Variants in MTSS1 observed in about 807,000 individuals in gnomAD.
The protein encoded by MTSS1 is MTSS I-BAR domain containing 1, also known as protein MTSS 1.
In MTSS1, 18 loss-of-function variants were observed where a neutral mutation model predicts 79.0. The ratio of observed to expected loss-of-function variants is 0.23; its 90% CI spans 0.16 to 0.34. The LOEUF (loss-of-function observed/expected upper bound fraction) is 0.34. Among genes scored for constraint, MTSS1 ranks in the 10% least tolerant of loss-of-function variants. The probability of loss-of-function intolerance (pLI) is 1.00; values close to 1 mark genes in which losing one functional copy is unlikely to be tolerated. For missense variants in MTSS1, 815 were observed against 986.2 expected (o/e 0.83, Z 2.33); for synonymous variants, 341 against 368.6 (o/e 0.93, Z 0.86).
At chr8:124,560,670 A>G (rs1825086901) in intron 10 of MTSS1, among the ~76,000 whole-genome samples, 1 of 152,162 alleles carries the variant, frequency 6.6e-6, no homozygotes, top group South Asian at 2.1e-4. Context: ...GAACAAAAAT[A>G]AAACAACAAA....
At chr8:124,693,692 A>G (rs9643201) in intron 3 of MTSS1, among the ~76,000 whole-genome samples, 54,677 of 152,016 alleles carry the variant, frequency 0.36, 10,585 homozygotes, top group Non-Finnish European at 0.41. Flanking sequence ...CTGAGAGGGG[A>G]CCTCAACCCA....
intron 3 of MTSS1, among the ~76,000 whole-genome samples, chr8:124,598,238 T>TTG (rs775882802): frequency 3.3e-5 from 5 of 152,068 alleles, no homozygotes; most frequent in African/African-American, 4.8e-5. Flanking sequence ...AAGGCTACAG[T>TTG]GAGCTATGAT....
intron 4 of MTSS1, among the ~76,000 whole-genome samples, chr8:124,590,730 G>A (rs936382327): frequency 1.3e-5 from 2 of 152,234 alleles, no homozygotes; most frequent in Non-Finnish European, 2.9e-5. Flanking sequence ...AGCTGGCGGT[G>A]TGGAGTGGTC....
chr8:124,572,313 G>C (rs59807139), intron 6 of MTSS1, among the ~76,000 whole-genome samples: 3,533 of 152,156 alleles, frequency 0.023, 123 homozygotes, highest in African/African-American at 0.079. Flanking sequence ...TAGATGATAA[G>C]CTAAAACTAC....
intron 6 of MTSS1, among the ~76,000 whole-genome samples, chr8:124,569,990 A>T (rs768997990): frequency 6.6e-6 from 1 of 152,174 alleles, no homozygotes; most frequent in Non-Finnish European, 1.5e-5. Context: ...AATGCAATGA[A>T]CCATTTGGTC....
At chr8:124,626,255 A>G (rs73343908) in intron 3 of MTSS1, among the ~76,000 whole-genome samples, 4,704 of 152,312 alleles carry the variant, frequency 0.031, 228 homozygotes, top group African/African-American at 0.1. Flanking sequence ...GTGTTTCGTC[A>G]GTTCTTTTCT....
chr8:124,699,161 T>TC, intron 3 of MTSS1: 1 of 229,244 alleles, frequency 4.4e-6, no homozygotes. Flanking sequence ...CCCTACTGCT[T>TC]CCCATTCCAC....
At chr8:124,576,922 C>T (rs1468503107) in intron 6 of MTSS1, among the ~76,000 whole-genome samples, 1 of 152,204 alleles carries the variant, frequency 6.6e-6, no homozygotes, top group Non-Finnish European at 1.5e-5. Context: ...CAGCTCCCGG[C>T]GTGCCTCCAT....
At position 124,582,676 on chromosome 8, in the gene MTSS1, A is replaced by T. The variant is rs574077687; in HGVS notation, c.460+2411T>A. Among the ~76,000 whole-genome samples, 330 of 152,332 alleles carry T rather than the reference A, an allele frequency of 2.2e-3. 2 individuals carry two copies. Among genetic ancestry groups the T allele is most frequent in the African/African-American group, 7.5e-3 (311 of 41,576 alleles). On this transcript the variant is annotated intron_variant, in intron 6 of 13. Transcript: ENST00000518547. This position sits in a 1 kb window ranked among gnomAD's most constrained non-coding sequence, Gnocchi z 4.8. ...TCCATCCGAACGCGTGGTGCGTCAG[A>T]AGGAACTGCTAACACTTTTACAAAC... is the stretch of plus-strand genomic sequence containing the variant.
intron 6 of MTSS1, among the ~76,000 whole-genome samples, chr8:124,571,682 G>A (rs1453114315): frequency 6.6e-6 from 1 of 152,148 alleles, no homozygotes. Context: ...AACAGCCTAT[G>A]AGGCCGGGAA....
rs144922232 is a variant in MTSS1, at chr8:124,592,479, T to C, written c.209-1244A>G. 3.3e-3 allele frequency among the ~76,000 whole-genome samples: 510 copies of C among 152,280 alleles called. 1 individual carries two copies. Among genetic ancestry groups the C allele is most frequent in the Middle Eastern group, 0.014 (4 of 294 alleles). On this transcript the variant is annotated intron_variant, in intron 3 of 13. Transcript: ENST00000518547. ...CTGTGGCAGGTTTAACCATGTTGAA[T>C]TGGTAGAAGAACATTCCCTCTCTTA...
chr8:124,649,563 A>G (rs1819589213), intron 3 of MTSS1, among the ~76,000 whole-genome samples: 1 of 152,160 alleles, frequency 6.6e-6, no homozygotes, highest in South Asian at 2.1e-4. Context: ...CAGAGTACAC[A>G]AAAAGCTCCC....
chr8:124,654,650 C>G (rs1057375580), intron 3 of MTSS1, among the ~76,000 whole-genome samples: 1 of 152,210 alleles, frequency 6.6e-6, no homozygotes, highest in East Asian at 1.9e-4. Context: ...AGCGTAATTG[C>G]TACTAGAAGG....
intron 1 of MTSS1, among the ~76,000 whole-genome samples, chr8:124,704,464 T>C (rs1332693648): frequency 1.3e-5 from 2 of 152,196 alleles, no homozygotes; most frequent in Non-Finnish European, 2.9e-5. Flanking sequence ...TGGTAGATGG[T>C]GGGTCCAAAT....
chr8:124,629,520 A>AG (rs1815456243), intron 3 of MTSS1, among the ~76,000 whole-genome samples: 1 of 151,232 alleles, frequency 6.6e-6, no homozygotes, highest in African/African-American at 2.4e-5. Flanking sequence ...AAAAAAAAAA[A>AG]AAAAAAGAAA....
rs1231466819 is a variant in MTSS1 at position 124,589,352 on chromosome 8, C to T, written c.385+268G>A. Among the ~76,000 whole-genome samples, 9 of 152,306 alleles carry T rather than the reference C, an allele frequency of 5.9e-5. No homozygotes were observed. In the South Asian group the frequency reaches 1.7e-3, roughly 28 times the overall value. ...ACCCTGTGATTTATTCTTAATTCAG[C>T]TGAATACAATTCATGCCACTGAGGG... On this transcript the variant is annotated intron_variant, in intron 5 of 13. Coordinates refer to ENST00000518547, the MANE Select transcript of MTSS1 (RefSeq NM_014751.6).
intron 3 of MTSS1, among the ~76,000 whole-genome samples, chr8:124,697,058 G>A (rs1828956988): frequency 1.3e-5 from 2 of 152,062 alleles, no homozygotes; most frequent in South Asian, 4.1e-4. Flanking sequence ...GTCCCGCCAA[G>A]AACCATTCTG....
intron 3 of MTSS1, among the ~76,000 whole-genome samples, chr8:124,633,275 T>G (rs1816361552): frequency 6.6e-6 from 1 of 152,180 alleles, no homozygotes; most frequent in South Asian, 2.1e-4. Context: ...TTATGTTTGG[T>G]CAAAACCTCT....
At chr8:124,640,033 G>A (rs1435326037) in intron 3 of MTSS1, among the ~76,000 whole-genome samples, 1 of 152,180 alleles carries the variant, frequency 6.6e-6, no homozygotes, top group Non-Finnish European at 1.5e-5. Flanking sequence ...CAGACTATAG[G>A]TATTTATTCC....
Sources: gnomAD v4.1 joint callset for allele counts (sites outside exome capture counted in the v4.1 genomes callset) on GRCh38, gnomAD v4.1.1 for gene constraint, Gnocchi (gnomAD v3.1) non-coding constraint, MANE v1.5 for transcripts, NCBI Gene and HGNC (gene_info 2026-07-23, HGNC 2026-07-21) for gene names.